Variants in GRIN2D observed in about 807,000 individuals in gnomAD.
The protein encoded by GRIN2D is glutamate ionotropic receptor NMDA type subunit 2D.
Under a neutral mutation model 103.2 loss-of-function variants are expected in GRIN2D, and 37 were observed. The observed-to-expected ratio is 0.36, with a 90% confidence interval of 0.28 to 0.47. The LOEUF is 0.47. GRIN2D is among the 20% of genes least tolerant of loss of function. The pLI, the probability that GRIN2D is intolerant of heterozygous loss-of-function variation, is 1.00. For missense variants in GRIN2D, 1,557 were observed against 1,910.6 expected, an observed-to-expected ratio of 0.81 and a Z score of 3.45; for synonymous variants, 845 against 885.6, an observed-to-expected ratio of 0.95 and a Z score of 0.81.
chr19:48,430,564 C>G (rs896811365), intron 11 of GRIN2D, among the ~76,000 whole-genome samples: 1 of 152,218 alleles, frequency 6.6e-6, no homozygotes, highest in Non-Finnish European at 1.5e-5. Flanking sequence ...ATCTGCCCAC[C>G]TCAGCCTCCC....
At chr19:48,396,999 C>A (rs974092441) in intron 2 of GRIN2D, among the ~76,000 whole-genome samples, 7 of 152,130 alleles carry the variant, frequency 4.6e-5, no homozygotes, top group Non-Finnish European at 7.4e-5. Flanking sequence ...GCCCAACCAC[C>A]CCAGGCGGCT....
At chr19:48,402,377 A>G (rs1019938947) in intron 3 of GRIN2D, among the ~76,000 whole-genome samples, 1 of 152,056 alleles carries the variant, frequency 6.6e-6, no homozygotes, top group Non-Finnish European at 1.5e-5. Flanking sequence ...ATCAGGGTGA[A>G]TGAGAGAGAG....
In GRIN2D at chr19:48,419,784, G is replaced by A; in HGVS notation, c.2061G>A (p.Val687=). The part of the protein sequence containing the change: ...LAAFMIQEEY[V]DTVSGLSDRK... ...CCTTCATGATCCAGGAGGAGTACGTGGATACTGTGTCTGGGCTCAGTGACC... is the reference window on the plus strand; with the variant it reads ...CCTTCATGATCCAGGAGGAGTACGTAGATACTGTGTCTGGGCTCAGTGACC... The change falls in exon 10 of 14, where the codon GTG becomes GTA. Residue 687 remains valine, a synonymous_variant. Coordinates refer to ENST00000263269, the MANE Select transcript of GRIN2D (RefSeq NM_000836.4). 2 of 1,613,634 alleles carry A rather than the reference G, an allele frequency of 1.2e-6. No individual in the cohort carries two copies. Among genetic ancestry groups the A allele is most frequent in the Non-Finnish European group, 1.7e-6 (2 of 1,179,884 alleles).
rs1971300605 is a variant in GRIN2D at position 48,442,019 on chromosome 19, G to C, written c.2440+63G>C. On this transcript the variant is annotated intron_variant, in intron 12 of 13. Transcript: ENST00000263269. The surrounding 1 kb of genome is among the most constrained non-coding windows in gnomAD (Gnocchi z 7.2). The stretch of plus-strand genomic sequence containing the variant: ...GGAGGGCGAGGCCCCTGGGTTCCGG[G>C]GAAGAAAGGGACAAAGACCCGGACA... The C allele has an allele frequency of 3.9e-6, 6 of 1,535,320 alleles. No homozygotes were observed. The South Asian group carries it at 7.0e-5, about 18-fold the overall frequency.
intron 11 of GRIN2D, among the ~76,000 whole-genome samples, chr19:48,438,539 C>T (rs1971258167): frequency 6.6e-6 from 1 of 151,914 alleles, no homozygotes; most frequent in Non-Finnish European, 1.5e-5. Context: ...ACCTCGTGAT[C>T]CGCCTGCCTC....
Position 48,433,777 on chromosome 19 carries a change from C to G in GRIN2D, c.2253-7992C>G, listed in dbSNP as rs73588073. On this transcript the variant is annotated intron_variant, in intron 11 of 13. Coordinates refer to ENST00000263269, the MANE Select transcript of GRIN2D (RefSeq NM_000836.4). The stretch of plus-strand genomic sequence containing the variant: ...CAATTAAAATATGGATGCATTCACA[C>G]TCACACATTCCAAACTAACAGTACA... 4.7e-3 allele frequency among the ~76,000 whole-genome samples: 720 copies of G among 152,266 alleles called. 4 individuals are homozygous for G. Among genetic ancestry groups the G allele is most frequent in the African/African-American group, 0.017 (699 of 41,544 alleles).
chr19:48,419,385 G>A (rs1481689014), intron 9 of GRIN2D, 26 bp downstream of exon 9: 2 of 1,583,430 alleles, frequency 1.3e-6, no homozygotes, highest in Non-Finnish European at 1.7e-6. Context: ...TCCATCCCCC[G>A]CCTCGGAGAT....
In GRIN2D at chr19:48,442,374, T is replaced by G. The variant is rs1360993848; in HGVS notation, c.2665T>G (p.Phe889Val). Reference sequence around the variant, plus strand: ...CCACCGCATGGACTTCCTGCTGGCCTTCTCCAGGGTATGGGGCAGAGAGGG... The same window carrying G: ...CCACCGCATGGACTTCCTGCTGGCCGTCTCCAGGGTATGGGGCAGAGAGGG... ...PTHRMDFLLAFSRGMYSCCSA... is the reference protein window; with the variant it reads ...PTHRMDFLLAVSRGMYSCCSA... The change falls in exon 13 of 14, where the codon TTC (phenylalanine) becomes GTC (valine). Residue 889 changes from phenylalanine (F) to valine (V), a missense_variant. Phe to Val is a conservative substitution (Grantham distance 50). Transcript: ENST00000263269. The surrounding 1 kb of genome is among the most constrained non-coding windows in gnomAD (Gnocchi z 7.2). The G allele has an allele frequency of 1.2e-6, 2 of 1,610,246 alleles. No homozygotes were observed. Among genetic ancestry groups the G allele is most frequent in the Non-Finnish European group, 1.7e-6 (2 of 1,179,274 alleles).
chr19:48,412,433 GAA>G (rs896758818), intron 4 of GRIN2D, among the ~76,000 whole-genome samples: 17 of 124,826 alleles, frequency 1.4e-4, no homozygotes, highest in African/African-American at 4.8e-4. Flanking sequence ...AAGAAAGAAA[GAA>G]AGAAAGAAAG....
rs1411120087 is a variant in GRIN2D at position 48,442,745 on chromosome 19, T to C, written c.2819T>C (p.Val940Ala). Residue 940 changes from valine (V) to alanine (A), a missense_variant, in exon 14 of 14, where the codon GTG (valine) becomes GCG (alanine). Val to Ala is a moderately conservative substitution (Grantham distance 64, BLOSUM62 0). Transcript: ENST00000263269. This position sits in a 1 kb window ranked among gnomAD's most constrained non-coding sequence, Gnocchi z 7.2. ...TTCGTGCCCCGCGAGCGCGCCTCAG[T>C]GGACCGCTGGCGCCGGACCAAGGGC... is the stretch of plus-strand genomic sequence containing the variant. The part of the protein sequence containing the change: ...APFVPRERAS[V>A]DRWRRTKGAG... 2.1e-5 allele frequency: 23 copies of C among 1,090,692 alleles called. No individual in the cohort carries two copies. Among genetic ancestry groups the C allele is most frequent in the Non-Finnish European group, 2.4e-5 (22 of 898,410 alleles). The allele number at this position is 1,090,692 out of a possible 1,614,324, so 67.6% of individuals were successfully genotyped here.
At position 48,441,060 on chromosome 19, in the gene GRIN2D, C is replaced by T. The variant is rs536662628; in HGVS notation, c.2253-709C>T. Reference sequence around the variant, plus strand: ...GCTATGGTGAGGAGTAAAGGAATAACTATTTCATTAACAGTCACAGCTGGC... The same window carrying T: ...GCTATGGTGAGGAGTAAAGGAATAATTATTTCATTAACAGTCACAGCTGGC... On this transcript the variant is annotated intron_variant, in intron 11 of 13. Coordinates refer to ENST00000263269, the MANE Select transcript of GRIN2D (RefSeq NM_000836.4). Among the ~76,000 whole-genome samples, 34 of 152,192 alleles carry T rather than the reference C, an allele frequency of 2.2e-4. 1 individual carries two copies. The South Asian group carries it at 6.6e-3, about 30-fold the overall frequency.
intron 11 of GRIN2D, among the ~76,000 whole-genome samples, chr19:48,432,843 T>C (rs1321679136): frequency 6.7e-6 from 1 of 149,020 alleles, no homozygotes; most frequent in African/African-American, 2.5e-5. Context: ...CAGGCTGGAG[T>C]GCAGTGGCAC....
rs1171293161 is a variant in GRIN2D at position 48,442,817 on chromosome 19, A to T, written c.2891A>T (p.Tyr964Phe). The T allele has an allele frequency of 1.9e-6, 2 of 1,074,960 alleles. No homozygotes were observed. Among genetic ancestry groups the T allele is most frequent in the Non-Finnish European group, 2.2e-6 (2 of 889,262 alleles). 66.6% of individuals were successfully genotyped at this position (1,074,960 alleles called of 1,614,324 possible). A position where few individuals can be genotyped will look rare whatever the true frequency, so the allele number is the denominator to read the frequency against. ...GGCCTGGCCGACGGCTTCCACCGCT[A>T]CTACGGCCCCATCGAGCCGCAGGGC... ...GAGLADGFHR[Y>F]YGPIEPQGLG... Residue 964 changes from tyrosine to phenylalanine, a missense_variant, in exon 14 of 14, where the codon TAC (tyrosine) becomes TTC (phenylalanine). Physicochemically the swap from Tyr to Phe is conservative, Grantham distance 22 (BLOSUM62 3). This residue lies in a region of GRIN2D where 632 missense variants were observed against 572.8 expected (regional missense o/e 1.10). Coordinates refer to ENST00000263269, the MANE Select transcript of GRIN2D (RefSeq NM_000836.4). This position sits in a 1 kb window ranked among gnomAD's most constrained non-coding sequence, Gnocchi z 7.2.
At chr19:48,395,288 C>T (rs1001964026) in intron 2 of GRIN2D, among the ~76,000 whole-genome samples, 9 of 151,540 alleles carry the variant, frequency 5.9e-5, no homozygotes, top group Admixed American at 5.3e-4. Flanking sequence ...GTCCCCCCAT[C>T]GCGAGCCGGT....
In GRIN2D at chr19:48,443,003, G is replaced by T. The variant is rs1971320856; in HGVS notation, c.3077G>T (p.Gly1026Val). 9.2e-7 allele frequency: 1 copy of T among 1,086,374 alleles called. No homozygotes were observed. Among genetic ancestry groups the T allele is most frequent in the Non-Finnish European group, 1.1e-6 (1 of 894,304 alleles). 67.3% of individuals were successfully genotyped at this position (1,086,374 alleles called of 1,614,324 possible). Residue 1026 changes from glycine (G) to valine (V), a missense_variant, in exon 14 of 14, where the codon GGC (glycine) becomes GTC (valine). This residue lies in a region of GRIN2D where 632 missense variants were observed against 572.8 expected (regional missense o/e 1.10). Transcript: ENST00000263269. The surrounding 1 kb of genome is among the most constrained non-coding windows in gnomAD (Gnocchi z 8.9). ...PAEPPAGAFP[G>V]FPSPPAPPAA... ...GAGCCCCCCGCCGGCGCCTTCCCCG[G>T]CTTCCCGTCGCCGCCCGCGCCCCCC...
intron 4 of GRIN2D, among the ~76,000 whole-genome samples, chr19:48,410,655 A>G (rs1480524006): frequency 6.6e-6 from 1 of 151,248 alleles, no homozygotes; most frequent in Non-Finnish European, 1.5e-5. Context: ...TATGAGCAGG[A>G]GACGGGTGGC....
chr19:48,412,414 GAGAAAGAAAAGAAAGAAAGAA>G (rs1268709067), intron 4 of GRIN2D, among the ~76,000 whole-genome samples: 10 of 115,828 alleles, frequency 8.6e-5, no homozygotes, highest in African/African-American at 3.2e-4. Flanking sequence ...AAGAAAGAAA[GAGAAAGAAAAGAAAGAAAGAA>G]AGAAAGAAAG....
intron 4 of GRIN2D, among the ~76,000 whole-genome samples, chr19:48,406,819 A>G (rs567362331): frequency 1.3e-5 from 2 of 152,256 alleles, no homozygotes; most frequent in African/African-American, 4.8e-5. Flanking sequence ...CGGATGCATG[A>G]AGCAGAGTCT....
intron 8 of GRIN2D, among the ~76,000 whole-genome samples, chr19:48,417,745 C>T (rs949064013): frequency 2.0e-5 from 3 of 152,094 alleles, no homozygotes; most frequent in Non-Finnish European, 4.4e-5. Context: ...CAGGCGTGTC[C>T]CCAGCTGCCG....
Sources: gnomAD v4.1 joint callset for allele counts (sites outside exome capture counted in the v4.1 genomes callset) on GRCh38, gnomAD v4.1.1 for gene constraint, gnomAD v4.1.1 regional missense constraint, Gnocchi (gnomAD v3.1) non-coding constraint, MANE v1.5 for transcripts, NCBI Gene and HGNC (gene_info 2026-07-23, HGNC 2026-07-21) for gene names.